GPR89B: variants seen among roughly 807,000 people sequenced by gnomAD.
GPR89B encodes the protein G protein-coupled receptor 89B.
A neutral mutation model predicts 52.4 loss-of-function variants in GPR89B; 25 were observed. That is an observed-to-expected ratio of 0.48 (90% CI 0.35 to 0.67). The LOEUF (loss-of-function observed/expected upper bound fraction) is 0.67. Ranked by LOEUF, GPR89B falls within the 30% of genes least tolerant of loss-of-function variation. The pLI, the probability that GPR89B is intolerant of heterozygous loss-of-function variation, is 0.01. For missense variants in GPR89B, 146 were observed against 450.2 expected (o/e 0.32, Z 6.11); for synonymous variants, 52 against 151.2 (o/e 0.34, Z 4.81).
chr1:147,995,943 G>C, downstream of GPR89B: 4 of 1,439,472 alleles, frequency 2.8e-6, no homozygotes, highest in Non-Finnish European at 3.9e-6. Context: ...CATCAGACTA[G>C]CTCTCCTTAA....
chr1:147,995,614 C>T (rs1348379222), downstream of GPR89B: 25 of 1,608,740 alleles, frequency 1.6e-5, 1 homozygote, highest in Admixed American at 1.2e-4. Context: ...TTGCCATGTG[C>T]GAGTCATGCT....
intron 10 of GPR89B, among the ~76,000 whole-genome samples, chr1:147,979,904 C>T (rs1422639634): frequency 6.6e-6 from 1 of 151,666 alleles, no homozygotes; most frequent in African/African-American, 2.4e-5. Flanking sequence ...GCCTGGGCAG[C>T]ATAGCAAGAC....
rs1345059099 is a variant in GPR89B at position 147,957,540 on chromosome 1, C to T, written c.617+3138C>T. 4.1e-3 allele frequency among the ~76,000 whole-genome samples: 623 copies of T among 152,064 alleles called. 4 individuals carry two copies. Among genetic ancestry groups the T allele is most frequent in the African/African-American group, 0.013 (528 of 41,382 alleles). Reference sequence around the variant, plus strand: ...TAATAATTTTAGAAAACCTAGTTTACGCCAGACACTGTACTAGATGCTAGG... The same window carrying T: ...TAATAATTTTAGAAAACCTAGTTTATGCCAGACACTGTACTAGATGCTAGG... On this transcript the variant is annotated intron_variant, in intron 7 of 13. Transcript: ENST00000314163.
chr1:148,005,489 T>A, the GPR89B span: 1 of 1,605,362 alleles, frequency 6.2e-7, no homozygotes. Flanking sequence ...GTAATATCAG[T>A]CATGTATACC....
the GPR89B span, among the ~76,000 whole-genome samples, chr1:148,013,518 G>C: frequency 2.6e-5 from 4 of 152,134 alleles, no homozygotes; most frequent in Non-Finnish European, 5.9e-5. Context: ...CAGAGCTCCA[G>C]CTTCCGCAGG....
At chr1:147,991,528 G>C (rs1659068211) in intron 12 of GPR89B, among the ~76,000 whole-genome samples, 1 of 152,134 alleles carries the variant, frequency 6.6e-6, no homozygotes. Flanking sequence ...TCTTGTGCCA[G>C]TTTTCAAAGG....
chr1:147,972,176 G>T (rs1216571280), intron 10 of GPR89B, among the ~76,000 whole-genome samples: 5,241 of 148,612 alleles, frequency 0.035, 329 homozygotes, highest in African/African-American at 0.12. Context: ...GTATTGCTGA[G>T]TAGTGTTTCC....
chr1:147,945,586 A>G (rs1214332477), intron 5 of GPR89B, among the ~76,000 whole-genome samples: 5 of 152,238 alleles, frequency 3.3e-5, no homozygotes, highest in African/African-American at 4.8e-5. Context: ...TTCAAATAAC[A>G]TTAAAGGCCG....
chr1:147,935,650 G>A (rs1654022182), intron 1 of GPR89B, among the ~76,000 whole-genome samples: 1 of 152,202 alleles, frequency 6.6e-6, no homozygotes, highest in South Asian at 2.1e-4. Context: ...GAAGGAAGCA[G>A]ATATAAAAAA....
chr1:147,929,570 G>A (rs1385511339), intron 1 of GPR89B, among the ~76,000 whole-genome samples: 1 of 152,126 alleles, frequency 6.6e-6, no homozygotes, highest in Non-Finnish European at 1.5e-5. Flanking sequence ...GTTTTTGCTT[G>A]TTCTTTCTCT....
chr1:147,972,171 G>A (rs1310899290), intron 10 of GPR89B, among the ~76,000 whole-genome samples: 1 of 148,266 alleles, frequency 6.7e-6, no homozygotes, highest in African/African-American at 2.5e-5. Flanking sequence ...CTTTTGTATT[G>A]CTGAGTAGTG....
chr1:148,007,324 C>T, the GPR89B span, among the ~76,000 whole-genome samples: 4 of 152,292 alleles, frequency 2.6e-5, no homozygotes, highest in Admixed American at 2.6e-4. Context: ...ATCCGCCTGC[C>T]TCGGCCTCCC....
intron 13 of GPR89B, 32 bp downstream of exon 13, chr1:147,992,599 G>A: frequency 6.2e-7 from 1 of 1,611,644 alleles, no homozygotes; most frequent in East Asian, 2.2e-5. Context: ...TATGTTGACA[G>A]CTGTAAAATA....
chr1:147,946,566 G>C (rs1553249825), intron 5 of GPR89B, among the ~76,000 whole-genome samples: 1 of 151,804 alleles, frequency 6.6e-6, no homozygotes, highest in African/African-American at 2.4e-5. Flanking sequence ...ATCTGTGATG[G>C]TAGAAGTCAG....
At chr1:147,972,814 C>T (rs1276917959) in intron 10 of GPR89B, among the ~76,000 whole-genome samples, 1 of 148,956 alleles carries the variant, frequency 6.7e-6, no homozygotes, top group East Asian at 1.9e-4. Context: ...CTCCCTCCCC[C>T]TCCCCGCCTT....
At chr1:148,015,294 T>TCTCCCC in the GPR89B span, among the ~76,000 whole-genome samples, 22 of 14,666 alleles carry the variant, frequency 1.5e-3, no homozygotes, top group Admixed American at 9.9e-3. Context: ...GATTCTAGGA[T>TCTCCCC]CTCTCTCTCT....
intron 1 of GPR89B, among the ~76,000 whole-genome samples, chr1:147,935,201 G>C (rs1267161648): frequency 8.0e-5 from 12 of 150,392 alleles, no homozygotes; most frequent in Admixed American, 7.9e-4. Context: ...GAGAGGGCTA[G>C]AGAGAAGTTC....
chr1:147,986,071 A>G, intron 10 of GPR89B, 128 bp from the exon 11 acceptor site: 1 of 1,577,618 alleles, frequency 6.3e-7, no homozygotes, highest in Non-Finnish European at 8.6e-7. Context: ...GATTAAGAGT[A>G]GAATTGCATT....
At chr1:147,980,894 C>T (rs1658198407) in intron 10 of GPR89B, among the ~76,000 whole-genome samples, 1 of 148,218 alleles carries the variant, frequency 6.7e-6, no homozygotes, top group Non-Finnish European at 1.5e-5. Context: ...CTCCAATTCC[C>T]ACTCCCTCAG....
Sources: allele counts gnomAD v4.1 joint callset (sites outside exome capture counted in the v4.1 genomes callset), GRCh38; gene constraint gnomAD v4.1.1; transcripts MANE v1.5; gene names NCBI Gene and HGNC (gene_info 2026-07-23, HGNC 2026-07-21).